The following AAAS variants were observed in gnomAD, a reference collection of about 807,000 sequenced individuals.
The protein encoded by AAAS is aladin.
AAAS carries 60 observed loss-of-function variants against 75.6 expected under a neutral mutation model. The observed-to-expected ratio is 0.79, with a 90% CI of 0.64 to 0.98. AAAS has a LOEUF of 0.98. AAAS is among the 50% of genes least tolerant of loss of function. The pLI, the probability that AAAS is intolerant of heterozygous loss-of-function variation, is 0.00. For synonymous variants in AAAS, 271 were observed against 265.0 expected (o/e 1.02, Z -0.22); for missense variants, 658 against 686.9 (o/e 0.96, Z 0.47).
chr12:53,311,896 G>A (rs573293877), intron 7 of AAAS, among the ~76,000 whole-genome samples: 8 of 151,902 alleles, frequency 5.3e-5, no homozygotes, highest in Non-Finnish European at 7.4e-5. Flanking sequence ...CAGCCTGGGC[G>A]ACAGAGTGAG....
chr12:53,321,293 C>A, intron 1 of AAAS, 50 bp downstream of exon 1: 1 of 1,596,796 alleles, frequency 6.3e-7, no homozygotes, highest in Non-Finnish European at 8.5e-7. Context: ...CCAGTAGTCC[C>A]CGACTCCGCC....
At chr12:53,308,933 T>C (rs1944340698) in intron 10 of AAAS, 27 bp downstream of exon 10, 1 of 1,614,162 alleles carries the variant, frequency 6.2e-7, no homozygotes. Flanking sequence ...TCCTCCCCAG[T>C]GTCTGTGAAT....
At position 53,315,434 on chromosome 12, in the gene AAAS, G is replaced by T. The variant is rs1254561066; in HGVS notation, c.308-8C>A. ...TCTTCACCCACTCAAACACTGTAGGGTTGAGGAAGCAGCTCTGATTAAACC... is the reference window on the plus strand; with the variant it reads ...TCTTCACCCACTCAAACACTGTAGGTTTGAGGAAGCAGCTCTGATTAAACC... On this transcript the variant is annotated splice_region_variant and splice_polypyrimidine_tract_variant and intron_variant, in intron 3 of 15. Coordinates refer to ENST00000209873, the MANE Select transcript of AAAS (RefSeq NM_015665.6). 1.9e-6 allele frequency: 3 copies of T among 1,610,978 alleles called. No homozygotes were observed. Among genetic ancestry groups the T allele is most frequent in the East Asian group, 2.2e-5 (1 of 44,798 alleles).
At chr12:53,309,057 C>G (rs1944343936) in intron 9 of AAAS, 37 bp from the exon 10 acceptor site, 1 of 1,614,210 alleles carries the variant, frequency 6.2e-7, no homozygotes, top group African/African-American at 1.3e-5. Flanking sequence ...CTCAGGACCT[C>G]TAAGTTCTAA....
chr12:53,315,300 CA>C, intron 4 of AAAS, 34 bp downstream of exon 4: 1 of 1,610,500 alleles, frequency 6.2e-7, no homozygotes, highest in Non-Finnish European at 8.5e-7. Flanking sequence ...GGGGACACAG[CA>C]AATGCAGAGG....
intron 2 of AAAS, 132 bp downstream of exon 2, chr12:53,320,433 T>C: frequency 1.6e-6 from 2 of 1,286,270 alleles, no homozygotes; most frequent in Non-Finnish European, 2.2e-6. Context: ...TTTCATATGA[T>C]TTAGGATATA....
intron 7 of AAAS, among the ~76,000 whole-genome samples, chr12:53,311,014 A>T (rs1481065585): frequency 1.3e-5 from 2 of 152,140 alleles, no homozygotes; most frequent in South Asian, 2.1e-4. Context: ...GTGCAGTGAC[A>T]CAGTCATAGC....
chr12:53,315,664 G>A, intron 3 of AAAS, 63 bp downstream of exon 3: 1 of 1,582,482 alleles, frequency 6.3e-7, no homozygotes, highest in East Asian at 2.2e-5. Flanking sequence ...TCGGGGGTGA[G>A]TTCAAGAATA....
chr12:53,321,054 T>C (rs1370503915), intron 1 of AAAS: 1 of 559,426 alleles, frequency 1.8e-6, no homozygotes, highest in African/African-American at 1.9e-5. Context: ...CCTCCCCAGA[T>C]ACTGTCCCCA....
intron 11 of AAAS, 39 bp downstream of exon 11, chr12:53,308,684 CCT>C: frequency 6.2e-7 from 1 of 1,611,312 alleles, no homozygotes; most frequent in African/African-American, 1.3e-5. Flanking sequence ...TTGCTGCCTC[CCT>C]CTGACCACCC....
Position 53,307,924 on chromosome 12 carries a change from A to G in AAAS, c.1337T>C (p.Ile446Thr). Reference protein sequence around the residue: ...SPVFELLPCGIIQGEPGAQPQ... With the variant: ...SPVFELLPCGTIQGEPGAQPQ... Reference sequence around the variant, plus strand: ...CTGGGCTCCTGGCTCCCCCTGGATAATGCCACTAGAAGAAAAGGTGAGCAG... The same window carrying G: ...CTGGGCTCCTGGCTCCCCCTGGATAGTGCCACTAGAAGAAAAGGTGAGCAG... The change falls in exon 15 of 16, where the codon ATT (isoleucine) becomes ACT (threonine). Residue 446 changes from isoleucine to threonine, a missense_variant. Coordinates refer to ENST00000209873, the MANE Select transcript of AAAS (RefSeq NM_015665.6). The G allele has an allele frequency of 6.2e-7, 1 of 1,614,240 alleles. No homozygotes were observed. Among genetic ancestry groups the G allele is most frequent in the Admixed American group, 1.7e-5 (1 of 60,026 alleles).
chr12:53,311,376 C>T (rs1207312590), intron 7 of AAAS, among the ~76,000 whole-genome samples: 2 of 152,220 alleles, frequency 1.3e-5, no homozygotes, highest in Non-Finnish European at 2.9e-5. Context: ...ATTCTCCTGC[C>T]TCAGCCTCCT....
At chr12:53,317,702 A>G (rs1944486061) in intron 2 of AAAS, among the ~76,000 whole-genome samples, 1 of 152,116 alleles carries the variant, frequency 6.6e-6, no homozygotes, top group Non-Finnish European at 1.5e-5. Flanking sequence ...AGATCACGCC[A>G]CTGCACTCCA....
At chr12:53,308,564 A>C (rs377261782) in intron 11 of AAAS, 36 bp from the exon 12 acceptor site, 4 of 1,613,224 alleles carry the variant, frequency 2.5e-6, no homozygotes, top group Middle Eastern at 1.6e-4. Context: ...TTCTTGCAAG[A>C]AACAGGCCTC....
intron 7 of AAAS, among the ~76,000 whole-genome samples, chr12:53,313,583 G>A (rs1437439774): frequency 3.3e-5 from 5 of 151,634 alleles, no homozygotes; most frequent in Admixed American, 2.0e-4. Context: ...TTACAGGTGT[G>A]AGCCACTGTT....
chr12:53,310,248 G>A lies in AAAS; in HGVS notation c.690-527C>T, dbSNP rs569608669. 1.2e-3 allele frequency among the ~76,000 whole-genome samples: 189 copies of A among 152,260 alleles called. 1 individual carries two copies. Among genetic ancestry groups the A allele is most frequent in the African/African-American group, 4.2e-3 (175 of 41,550 alleles). On this transcript the variant is annotated intron_variant, in intron 7 of 15. Coordinates refer to ENST00000209873, the MANE Select transcript of AAAS (RefSeq NM_015665.6). Reference sequence around the variant, plus strand: ...AGTACCTCCCAACTCTGCAGCTCCCGCGTTTGCTCCTTATCATAAAGATGC... The same window carrying A: ...AGTACCTCCCAACTCTGCAGCTCCCACGTTTGCTCCTTATCATAAAGATGC...
At chr12:53,315,172 G>A in intron 4 of AAAS, 32 bp from the exon 5 acceptor site, 2 of 1,613,480 alleles carry the variant, frequency 1.2e-6, no homozygotes, top group South Asian at 1.1e-5. Flanking sequence ...AGGACACACT[G>A]GGGCAAAAGG....
intron 7 of AAAS, among the ~76,000 whole-genome samples, chr12:53,310,730 A>G (rs1253106736): frequency 3.3e-5 from 5 of 152,160 alleles, no homozygotes; most frequent in African/African-American, 9.7e-5. Context: ...CCACCTAACT[A>G]TAACCACCTT....
chr12:53,315,780 C>T lies in AAAS; in HGVS notation c.254G>A (p.Arg85His), dbSNP rs768179739. The T allele has an allele frequency of 4.3e-6, 7 of 1,613,646 alleles. No individual in the cohort carries two copies. Among genetic ancestry groups the T allele is most frequent in the East Asian group, 2.2e-5 (1 of 44,902 alleles). Residue 85 changes from arginine to histidine, a missense_variant and splice_region_variant, in exon 3 of 16, where the codon CGT becomes CAT. Coordinates refer to ENST00000209873, the MANE Select transcript of AAAS (RefSeq NM_015665.6). The stretch of plus-strand genomic sequence containing the variant: ...TAGCACCCCAAAAAGGCCCACATCA[C>T]GCCTGATAAGGGAGGAAAATGTGGG... The part of the protein sequence containing the change: ...QVWKRCINIW[R>H]DVGLFGVLNE...
Sources: allele counts gnomAD v4.1 joint callset (sites outside exome capture counted in the v4.1 genomes callset), GRCh38; gene constraint gnomAD v4.1.1; transcripts MANE v1.5; gene names NCBI Gene and HGNC (gene_info 2026-07-23, HGNC 2026-07-21).